The following TRAPPC9 variants were observed in gnomAD, a reference collection of about 807,000 sequenced individuals.
TRAPPC9 encodes trafficking protein particle complex subunit 9, also known as IKK2 binding protein.
In TRAPPC9, 83 loss-of-function variants were observed where a neutral mutation model predicts 124.0. The ratio of observed to expected loss-of-function variants is 0.67; its 90% CI spans 0.56 to 0.80. The LOEUF is 0.80. Ranked by LOEUF, TRAPPC9 falls within the 30% of genes least tolerant of loss-of-function variation. The pLI, the probability that TRAPPC9 is intolerant of heterozygous loss-of-function variation, is 0.00. For missense variants in TRAPPC9, 1,302 were observed against 1,508.3 expected (o/e 0.86, Z 2.27); for synonymous variants, 638 against 617.5 (o/e 1.03, Z -0.49).
chr8:140,095,845 G>C (rs1405327192), intron 17 of TRAPPC9: 1 of 152,248 alleles, frequency 6.6e-6, no homozygotes, highest in Non-Finnish European at 1.5e-5. Context: ...GATAACCAGG[G>C]AGGAGCATTT....
intron 13 of TRAPPC9, 22 bp downstream of exon 13, chr8:140,287,586 A>G (rs775588867): frequency 6.2e-7 from 1 of 1,614,104 alleles, no homozygotes; most frequent in East Asian, 2.2e-5. Flanking sequence ...CTGAGCAGGA[A>G]GCATGAAGGG....
chr8:139,939,400 C>A (rs889190434), intron 19 of TRAPPC9, among the ~76,000 whole-genome samples: 7 of 152,198 alleles, frequency 4.6e-5, no homozygotes, highest in Admixed American at 2.0e-4. Flanking sequence ...GAGAGGGCAG[C>A]CCCTGGCGAG....
At chr8:140,286,391 C>T (rs1372990443) in intron 13 of TRAPPC9, among the ~76,000 whole-genome samples, 1 of 152,166 alleles carries the variant, frequency 6.6e-6, no homozygotes, top group Non-Finnish European at 1.5e-5. Context: ...GGCATATTCA[C>T]ACTAGGAAGA....
intron 17 of TRAPPC9, among the ~76,000 whole-genome samples, chr8:140,148,629 C>G (rs536175842): frequency 1.3e-5 from 2 of 152,314 alleles, no homozygotes; most frequent in Admixed American, 1.3e-4. Context: ...TTCATGTCCC[C>G]ACTCACCCTG....
At chr8:139,938,806 C>T (rs543289523) in intron 19 of TRAPPC9, among the ~76,000 whole-genome samples, 3,201 of 150,396 alleles carry the variant, frequency 0.021, 130 homozygotes, top group African/African-American at 0.074. Flanking sequence ...CCACCACGCC[C>T]GGCTAATTTT....
intron 18 of TRAPPC9, among the ~76,000 whole-genome samples, chr8:140,002,121 G>A (rs1838440782): frequency 6.6e-6 from 1 of 151,106 alleles, no homozygotes; most frequent in African/African-American, 2.4e-5. Context: ...ACCAGACAAA[G>A]ACGGAAGAAA....
At chr8:140,413,921 T>G (rs542428736) in intron 5 of TRAPPC9, among the ~76,000 whole-genome samples, 2 of 151,936 alleles carry the variant, frequency 1.3e-5, no homozygotes, top group Non-Finnish European at 2.9e-5. Context: ...TGTTGGACAT[T>G]TGGGTTGGTT....
At chr8:139,806,972 C>A (rs1169456101) in intron 21 of TRAPPC9, among the ~76,000 whole-genome samples, 1 of 152,212 alleles carries the variant, frequency 6.6e-6, no homozygotes, top group Admixed American at 6.5e-5. Flanking sequence ...CAGGAAGGCC[C>A]GAGCACTTAG....
rs907061709 is a variant in TRAPPC9, at chr8:140,027,957, C to T, written c.2557-3878G>A. On this transcript the variant is annotated intron_variant, in intron 17 of 22. Coordinates refer to ENST00000438773, the MANE Select transcript of TRAPPC9 (RefSeq NM_001160372.4). ...CTCCCACCATGTCCCTCCCTCGACA[C>T]GTGGGGATTATGGGGATTACAATTC... 3.9e-5 allele frequency among the ~76,000 whole-genome samples: 6 copies of T among 152,030 alleles called. No individual in the cohort carries two copies. In the East Asian group the frequency reaches 7.7e-4, roughly 20 times the overall value.
intron 17 of TRAPPC9, among the ~76,000 whole-genome samples, chr8:140,047,623 T>C (rs1841699438): frequency 6.6e-6 from 1 of 152,052 alleles, no homozygotes; most frequent in Non-Finnish European, 1.5e-5. Flanking sequence ...CTGCAGGCTG[T>C]GTGAGAGCAG....
intron 19 of TRAPPC9, among the ~76,000 whole-genome samples, chr8:139,977,250 C>T (rs754196226): frequency 8.5e-5 from 13 of 152,096 alleles, no homozygotes; most frequent in East Asian, 7.8e-4. Flanking sequence ...TCAAATGAAA[C>T]GGCCCCATCA....
At chr8:140,036,496 A>G (rs1840894267) in intron 17 of TRAPPC9, among the ~76,000 whole-genome samples, 1 of 148,492 alleles carries the variant, frequency 6.7e-6, no homozygotes, top group African/African-American at 2.6e-5. Flanking sequence ...AAAAAAAATG[A>G]GAAGAATGCA....
intron 9 of TRAPPC9, among the ~76,000 whole-genome samples, chr8:140,318,232 T>C (rs777840962): frequency 2.0e-5 from 3 of 152,240 alleles, no homozygotes; most frequent in Non-Finnish European, 4.4e-5. Context: ...AAATGTTTCA[T>C]AGCAATAATT....
At chr8:139,746,989 G>A (rs114925817) in intron 21 of TRAPPC9, among the ~76,000 whole-genome samples, 3,687 of 152,228 alleles carry the variant, frequency 0.024, 147 homozygotes, top group African/African-American at 0.084. Context: ...AGATAAACCA[G>A]AAGAAAAAGA....
chr8:140,046,140 C>T (rs1190768406), intron 17 of TRAPPC9, among the ~76,000 whole-genome samples: 1 of 152,186 alleles, frequency 6.6e-6, no homozygotes, highest in Non-Finnish European at 1.5e-5. Context: ...CTGGCGTCCC[C>T]CGCCTTGCAC....
At chr8:139,828,518 G>A (rs576784594) in intron 21 of TRAPPC9, among the ~76,000 whole-genome samples, 1 of 152,312 alleles carries the variant, frequency 6.6e-6, no homozygotes, top group East Asian at 1.9e-4. Flanking sequence ...AAGCTCCATT[G>A]AGAAAAGTCA....
chr8:140,345,453 G>A (rs1023889199), intron 9 of TRAPPC9, among the ~76,000 whole-genome samples: 1 of 152,190 alleles, frequency 6.6e-6, no homozygotes, highest in African/African-American at 2.4e-5. Flanking sequence ...GGGCCCTGAG[G>A]TCCTGGGGGC....
intron 17 of TRAPPC9, among the ~76,000 whole-genome samples, chr8:140,090,793 G>T (rs1426621474): frequency 6.6e-6 from 1 of 152,258 alleles, no homozygotes; most frequent in East Asian, 1.9e-4. Context: ...GAGCAGCCTT[G>T]CCTTGCAGCC....
At position 140,435,105 on chromosome 8, in the gene TRAPPC9, A is replaced by C; in HGVS notation, c.859+7T>G. The C allele has an allele frequency of 6.2e-7, 1 of 1,614,230 alleles. No individual in the cohort carries two copies. Among genetic ancestry groups the C allele is most frequent in the Non-Finnish European group, 8.5e-7 (1 of 1,180,040 alleles). ...TGAGCAGAGGCCGGAAAAAGGGCAGAGCTCACCTGGCCGGTGTCTATTGGC... is the reference window on the plus strand; with the variant it reads ...TGAGCAGAGGCCGGAAAAAGGGCAGCGCTCACCTGGCCGGTGTCTATTGGC... On this transcript the variant is annotated splice_region_variant and intron_variant, in intron 4 of 22. Transcript: ENST00000438773.
Sources: allele counts gnomAD v4.1 joint callset (sites outside exome capture counted in the v4.1 genomes callset), GRCh38; gene constraint gnomAD v4.1.1; transcripts MANE v1.5; gene names NCBI Gene and HGNC (gene_info 2026-07-23, HGNC 2026-07-21).